Variants in CCAR2 observed in about 807,000 individuals in gnomAD.
CCAR2 encodes cell cycle and apoptosis regulator protein 2.
A neutral mutation model predicts 108.1 loss-of-function variants in CCAR2; 21 were observed. The observed-to-expected ratio is 0.19, with a 90% CI of 0.14 to 0.28. CCAR2 has a LOEUF of 0.28. CCAR2 is among the 10% of genes least tolerant of loss of function. CCAR2 has a pLI of 1.00. For synonymous variants in CCAR2, 577 were observed against 472.8 expected, an observed-to-expected ratio of 1.22 and a Z score of -2.86; for missense variants, 1,126 against 1,177.0, an observed-to-expected ratio of 0.96 and a Z score of 0.63.
Position 22,619,179 on chromosome 8 carries a change from G to A in CCAR2, c.2551G>A (p.Glu851Lys). The A allele has an allele frequency of 6.3e-7, 1 of 1,598,990 alleles. No individual in the cohort carries two copies. Among genetic ancestry groups the A allele is most frequent in the Non-Finnish European group, 8.5e-7 (1 of 1,173,018 alleles). The change falls in exon 20 of 21, where the codon GAA becomes AAA. Residue 851 changes from glutamate (E) to lysine (K), a missense_variant. By Grantham distance (56) the Glu-to-Lys change is moderately conservative. This residue lies in a region of CCAR2 where 1,013 missense variants were observed against 993.9 expected (regional missense o/e 1.02). Coordinates refer to ENST00000308511, the MANE Select transcript of CCAR2 (RefSeq NM_001393997.1). ...EESHNRFSAT[E>K]VTNKTLAAEM... ...GAGCCATAACCGTTTCTCAGCCACT[G>A]AAGTAACCAATAAGACGCTGGCGGC...
At chr8:22,607,377 T>A (rs764700913) in intron 6 of CCAR2, 52 bp downstream of exon 6, 1 of 1,593,716 alleles carries the variant, frequency 6.3e-7, no homozygotes, top group South Asian at 1.1e-5. Flanking sequence ...GTAGTTTAGA[T>A]CAATGGACTT....
chr8:22,614,535 C>A, intron 10 of CCAR2, 32 bp downstream of exon 10: 1 of 1,566,512 alleles, frequency 6.4e-7, no homozygotes, highest in Non-Finnish European at 8.8e-7. Flanking sequence ...GAGATGCATT[C>A]ACGGGTAATG....
Position 22,615,322 on chromosome 8 carries a change from T to TGC in CCAR2, c.1206-102_1206-101dup. Reference sequence around the variant, plus strand: ...TCTTCAAAGCTTGGTTCGCAGTGTGTGCTCATTGAGTGCTGACTGGAAACT... The same window carrying TGC: ...TCTTCAAAGCTTGGTTCGCAGTGTGTGCGCTCATTGAGTGCTGACTGGAAACT... On this transcript the variant is annotated intron_variant, in intron 11 of 20. Transcript: ENST00000308511. 3.7e-6 allele frequency: 5 copies of TGC among 1,368,880 alleles called. No individual in the cohort carries two copies. In the South Asian group the frequency reaches 6.7e-5, roughly 18 times the overall value. The allele number at this position is 1,368,880 out of a possible 1,614,324, so 84.8% of individuals were successfully genotyped here.
intron 11 of CCAR2, 199 bp from the exon 12 acceptor site, chr8:22,615,226 G>A: frequency 1.2e-6 from 1 of 845,574 alleles, no homozygotes; most frequent in South Asian, 1.8e-5. Context: ...CTTGTAGGGT[G>A]CTTGTGTGGT....
chr8:22,611,404 G>GTGTGTGTGTGTGTA (rs1427803187), intron 7 of CCAR2, among the ~76,000 whole-genome samples: 3,937 of 105,176 alleles, frequency 0.037, 273 homozygotes, highest in African/African-American at 0.12. Context: ...GTGTGTGTGT[G>GTGTGTGTGTGTGTA]TATGTGTGTG....
chr8:22,612,323 A>G (rs1376794162), intron 7 of CCAR2, among the ~76,000 whole-genome samples: 1 of 150,932 alleles, frequency 6.6e-6, no homozygotes, highest in East Asian at 1.9e-4. Context: ...GCTGGAGTGC[A>G]GTGGTGCAAC....
chr8:22,619,370 G>C lies in CCAR2; in HGVS notation c.2727+15G>C. 6.4e-7 allele frequency: 1 copy of C among 1,552,510 alleles called. No individual in the cohort carries two copies. The highest frequency in any genetic ancestry group is 8.7e-7 in the Non-Finnish European group (1 of 1,149,030). ...TGGTGGAAAAGGTAAGGTGGGGGTG[G>C]ACCAGGAGGCAGCACAGCTCCTTTC... On this transcript the variant is annotated intron_variant, in intron 20 of 20. Coordinates refer to ENST00000308511, the MANE Select transcript of CCAR2 (RefSeq NM_001393997.1).
Position 22,604,781 on chromosome 8 carries a change from A to G in CCAR2, c.-100A>G. On this transcript the variant is annotated 5_prime_UTR_variant, in exon 1 of 21. Coordinates refer to ENST00000308511, the MANE Select transcript of CCAR2 (RefSeq NM_001393997.1). ...GAGAGGCGCTTCCGGTGGCGGCGGC[A>G]GCAGCGGCTGTGGTGGTTCCGGGTG... is the stretch of plus-strand genomic sequence containing the variant. 1 of 456,062 alleles carries G rather than the reference A, an allele frequency of 2.2e-6. No individual in the cohort carries two copies. Among genetic ancestry groups the G allele is most frequent in the African/African-American group, 2.0e-5 (1 of 50,182 alleles). 28.3% of individuals were successfully genotyped at this position (456,062 alleles called of 1,614,324 possible).
At chr8:22,615,221 AG>A in intron 11 of CCAR2, 1 of 852,698 alleles carries the variant, frequency 1.2e-6, no homozygotes. Context: ...TGCACCTTGT[AG>A]GGTGCTTGTG....
chr8:22,615,790 G>C lies in CCAR2; in HGVS notation c.1486G>C (p.Asp496His). The C allele has an allele frequency of 6.2e-7, 1 of 1,613,978 alleles. No individual in the cohort carries two copies. The highest frequency in any genetic ancestry group is 8.5e-7 in the Non-Finnish European group (1 of 1,180,010). The change falls in exon 13 of 21, where the codon GAT (aspartate) becomes CAT (histidine). Residue 496 changes from aspartate (D) to histidine (H), a missense_variant. Transcript: ENST00000308511. ...EATTQQETDTDLPEAPPPPLE... is the reference protein window; with the variant it reads ...EATTQQETDTHLPEAPPPPLE... ...CACCACACAGCAGGAAACGGACACT[G>C]ATCTCCCAGAGGCCCCTCCACCCCC...
intron 7 of CCAR2, among the ~76,000 whole-genome samples, chr8:22,609,696 T>C (rs1408007096): frequency 6.6e-6 from 1 of 152,096 alleles, no homozygotes; most frequent in African/African-American, 2.4e-5. Context: ...CATTACAAAA[T>C]CACAGCAGGT....
rs1801734452 is a variant in CCAR2, at chr8:22,620,414, G to GTT, written c.*732_*733insTT. ...TCAGTTTGACTTTGTATATAAAGTT[G>GTT]GGGTTTTTTTTTTTTTTTTTTGGCT... On this transcript the variant is annotated 3_prime_UTR_variant, in exon 21 of 21. Transcript: ENST00000308511. 1 of 127,600 alleles carries GTT rather than the reference G, an allele frequency of 7.8e-6. No individual in the cohort carries two copies. The highest frequency in any genetic ancestry group is 3.5e-5 in the African/African-American group (1 of 28,438). The allele number at this position is 127,600 out of a possible 1,614,324, so 7.9% of individuals were successfully genotyped here.
intron 14 of CCAR2, 124 bp from the exon 15 acceptor site, chr8:22,617,296 G>C (rs571319985): frequency 9.3e-7 from 1 of 1,072,852 alleles, no homozygotes; most frequent in African/African-American, 1.6e-5. Context: ...AAATGAGACG[G>C]TATCTGTAGA....
chr8:22,615,685 A>G lies in CCAR2; in HGVS notation c.1381A>G (p.Thr461Ala), dbSNP rs1801473664. 1 of 1,613,734 alleles carries G rather than the reference A, an allele frequency of 6.2e-7. No individual in the cohort carries two copies. The highest frequency in any genetic ancestry group is 1.6e-4 in the Middle Eastern group (1 of 6,062). ...APPTQEAQGETEPTEQAPDAL... is the reference protein window; with the variant it reads ...APPTQEAQGEAEPTEQAPDAL... ...CTCATTTCAGCTGTTGTCACAGGAAACGGAGCCTACTGAACAGGCACCTGA... is the reference window on the plus strand; with the variant it reads ...CTCATTTCAGCTGTTGTCACAGGAAGCGGAGCCTACTGAACAGGCACCTGA... Residue 461 changes from threonine to alanine, a missense_variant, in exon 13 of 21, where the codon ACG becomes GCG. Transcript: ENST00000308511.
rs1292892250 is a variant in CCAR2 at position 22,615,721 on chromosome 8, C to G, written c.1417C>G (p.Gln473Glu). The G allele has an allele frequency of 2.5e-6, 4 of 1,613,716 alleles. No homozygotes were observed. The highest frequency in any genetic ancestry group is 3.4e-6 in the Non-Finnish European group (4 of 1,180,008). The change falls in exon 13 of 21, where the codon CAA becomes GAA. Residue 473 changes from glutamine to glutamate, a missense_variant. This residue lies in a region of CCAR2 where 1,013 missense variants were observed against 993.9 expected (regional missense o/e 1.02). Coordinates refer to ENST00000308511, the MANE Select transcript of CCAR2 (RefSeq NM_001393997.1). Reference protein sequence around the residue: ...PTEQAPDALEQAADTSRRNAE... With the variant: ...PTEQAPDALEEAADTSRRNAE... Reference sequence around the variant, plus strand: ...TGAACAGGCACCTGATGCCTTGGAGCAAGCAGCAGACACTTCTAGACGGAA... The same window carrying G: ...TGAACAGGCACCTGATGCCTTGGAGGAAGCAGCAGACACTTCTAGACGGAA...
At chr8:22,606,302 A>G in intron 3 of CCAR2, 126 bp downstream of exon 3, 3 of 865,812 alleles carry the variant, frequency 3.5e-6, no homozygotes, top group Non-Finnish European at 5.6e-6. Flanking sequence ...GTGGGCTAGT[A>G]TGGGGTTGCC....
chr8:22,617,487 A>T lies in CCAR2; in HGVS notation c.1913A>T (p.Glu638Val). ...GAGGAAGAAGAAAAACCCCGGGGCG[A>T]GGCTTCTGAGGACCTGTGTGAGATG... ...GGEEEEKPRG[E>V]ASEDLCEMAL... is the part of the protein sequence containing the mutation. The change falls in exon 15 of 21, where the codon GAG (glutamate) becomes GTG (valine). Residue 638 changes from glutamate to valine, a missense_variant. This residue lies in a region of CCAR2 where 1,013 missense variants were observed against 993.9 expected (regional missense o/e 1.02). Coordinates refer to ENST00000308511, the MANE Select transcript of CCAR2 (RefSeq NM_001393997.1). 1 of 1,605,176 alleles carries T rather than the reference A, an allele frequency of 6.2e-7. No homozygotes were observed. The highest frequency in any genetic ancestry group is 8.5e-7 in the Non-Finnish European group (1 of 1,175,942).
In CCAR2 at chr8:22,614,220, C is replaced by T; in HGVS notation, c.833C>T (p.Pro278Leu). 1.2e-6 allele frequency: 2 copies of T among 1,614,092 alleles called. No homozygotes were observed. The highest frequency in any genetic ancestry group is 1.7e-6 in the Non-Finnish European group (2 of 1,180,048). Residue 278 changes from proline to leucine, a missense_variant, in exon 9 of 21, where the codon CCA (proline) becomes CTA (leucine). By Grantham distance (98) the Pro-to-Leu change is moderately conservative (BLOSUM62 -3). Around this residue, in one of 4 missense-constraint regions of CCAR2, gnomAD observed 1,013 missense variants for 993.9 expected, o/e 1.02. Transcript: ENST00000308511. ...PLSQPFSLHHPSRIQVSSEKE... is the reference protein window; with the variant it reads ...PLSQPFSLHHLSRIQVSSEKE... ...AGCCAGCCCTTTTCCCTCCATCATC[C>T]AAGCCGGATCCAGGTCTCTTCTGAA...
downstream of CCAR2, chr8:22,621,270 C>T: frequency 1.9e-6 from 2 of 1,069,734 alleles, no homozygotes; most frequent in South Asian, 1.6e-5. Flanking sequence ...CTCCTGGTGC[C>T]AGGCTCAGGA....
Sources: allele counts gnomAD v4.1 joint callset (sites outside exome capture counted in the v4.1 genomes callset), GRCh38; gene constraint gnomAD v4.1.1; regional missense constraint gnomAD v4.1.1; transcripts MANE v1.5; gene names NCBI Gene and HGNC (gene_info 2026-07-23, HGNC 2026-07-21).